PPP3R1: variants seen among roughly 807,000 people sequenced by gnomAD.
The protein encoded by PPP3R1 is calcineurin subunit B type 1.
Under a neutral mutation model 22.6 loss-of-function variants are expected in PPP3R1, and 5 were observed. The observed-to-expected ratio is 0.22, with a 90% CI of 0.12 to 0.46. The LOEUF is 0.46. Ranked by LOEUF, PPP3R1 falls within the 20% of genes least tolerant of loss-of-function variation. The pLI is 0.99. For synonymous variants in PPP3R1, 56 were observed against 65.2 expected (o/e 0.86, Z 0.68); for missense variants, 61 against 203.2 (o/e 0.30, Z 4.25).
chr2:68,209,766 G>A (rs1444337402), intron 2 of PPP3R1, among the ~76,000 whole-genome samples: 1 of 151,822 alleles, frequency 6.6e-6, no homozygotes, highest in African/African-American at 2.4e-5. Context: ...TCCCTCTGTC[G>A]AGTTTTAAAC....
At chr2:68,251,300 A>C (rs1488554351) in intron 1 of PPP3R1, among the ~76,000 whole-genome samples, 2 of 152,036 alleles carry the variant, frequency 1.3e-5, no homozygotes, top group African/African-American at 2.4e-5. Context: ...ATGTGAGGGT[A>C]AGGAAAGACA....
intron 2 of PPP3R1, among the ~76,000 whole-genome samples, chr2:68,212,062 A>C (rs1174957151): frequency 1.3e-5 from 2 of 152,128 alleles, no homozygotes; most frequent in African/African-American, 4.8e-5. Context: ...CAAATCTATA[A>C]TAGTGAATCC....
chr2:68,194,636 T>C (rs1027281477), intron 2 of PPP3R1, among the ~76,000 whole-genome samples: 1 of 152,066 alleles, frequency 6.6e-6, no homozygotes, highest in African/African-American at 2.4e-5. Flanking sequence ...TCTGAAAGCA[T>C]TGCTATTAAT....
chr2:68,198,343 ATG>A (rs1296549145), intron 2 of PPP3R1, among the ~76,000 whole-genome samples: 7 of 78,062 alleles, frequency 9.0e-5, no homozygotes, highest in South Asian at 7.7e-4. Flanking sequence ...ATATATGTAC[ATG>A]TATATGCATA....
At chr2:68,190,255 T>A (rs6707104) in intron 2 of PPP3R1, among the ~76,000 whole-genome samples, 10,237 of 24,928 alleles carry the variant, frequency 0.41, 2,197 homozygotes, top group African/African-American at 0.63. Context: ...AAGTTTCTCT[T>A]AAAAAAAAAA....
At chr2:68,193,397 C>G (rs528450935) in intron 2 of PPP3R1, among the ~76,000 whole-genome samples, 17 of 152,168 alleles carry the variant, frequency 1.1e-4, no homozygotes, top group Admixed American at 5.9e-4. Flanking sequence ...CTCCTTTCAG[C>G]TACGATTACG....
intron 5 of PPP3R1, among the ~76,000 whole-genome samples, chr2:68,184,379 G>A (rs985356718): frequency 6.6e-6 from 1 of 152,158 alleles, no homozygotes; most frequent in Non-Finnish European, 1.5e-5. Flanking sequence ...CTTTCTAAAC[G>A]TTCTAAATTA....
intron 1 of PPP3R1, among the ~76,000 whole-genome samples, chr2:68,234,507 A>G (rs1378919932): frequency 6.6e-6 from 1 of 152,198 alleles, no homozygotes; most frequent in African/African-American, 2.4e-5. Context: ...AAGTTATTAC[A>G]GCCATTTTCT....
At chr2:68,225,612 G>T (rs1479943879) in intron 1 of PPP3R1, among the ~76,000 whole-genome samples, 1 of 152,226 alleles carries the variant, frequency 6.6e-6, no homozygotes, top group East Asian at 1.9e-4. Context: ...GCAGAACTAT[G>T]AAATAATAAA....
chr2:68,242,541 GATT>G (rs1455404049), intron 1 of PPP3R1, among the ~76,000 whole-genome samples: 1 of 152,150 alleles, frequency 6.6e-6, no homozygotes. Flanking sequence ...GTATTCCTCT[GATT>G]ATAAGTTCAC....
At chr2:68,235,325 T>C (rs962659803) in intron 1 of PPP3R1, among the ~76,000 whole-genome samples, 3 of 152,134 alleles carry the variant, frequency 2.0e-5, no homozygotes, top group Admixed American at 1.3e-4. Context: ...TTAGAGCATA[T>C]TTATTACCCA....
At chr2:68,204,353 G>GATATATATATTCTGAT (rs1553405725) in intron 2 of PPP3R1, among the ~76,000 whole-genome samples, 6 of 148,338 alleles carry the variant, frequency 4.0e-5, no homozygotes, top group African/African-American at 1.3e-4. Flanking sequence ...TATATATTCT[G>GATATATATATTCTGAT]ATATATATAT....
chr2:68,199,244 G>T (rs913031014), intron 2 of PPP3R1, among the ~76,000 whole-genome samples: 1 of 152,124 alleles, frequency 6.6e-6, no homozygotes, highest in African/African-American at 2.4e-5. Context: ...TTACAGGCGT[G>T]AGCCACCGCT....
chr2:68,227,534 A>T (rs1457292079), intron 1 of PPP3R1, among the ~76,000 whole-genome samples: 1 of 151,976 alleles, frequency 6.6e-6, no homozygotes, highest in Admixed American at 6.6e-5. Flanking sequence ...GATAAAAACC[A>T]ATCATACCTA....
At chr2:68,246,969 GC>G (rs1670248333) in intron 1 of PPP3R1, among the ~76,000 whole-genome samples, 1 of 126,594 alleles carries the variant, frequency 7.9e-6, no homozygotes, top group Admixed American at 8.2e-5. Context: ...CCCACCTCCC[GC>G]CCCCCAAAAC....
intron 2 of PPP3R1, among the ~76,000 whole-genome samples, chr2:68,208,389 C>T (rs1394608119): frequency 1.3e-5 from 2 of 152,164 alleles, no homozygotes; most frequent in African/African-American, 2.4e-5. Flanking sequence ...GTTGACCATA[C>T]GGTCTCTGTT....
In PPP3R1 at chr2:68,188,774, A is replaced by G. The variant is rs1325640512; in HGVS notation, c.44-84T>C. 5 of 1,284,918 alleles carry G rather than the reference A, an allele frequency of 3.9e-6. No homozygotes were observed. The East Asian group carries it at 1.3e-4, about 33-fold the overall frequency. The allele number at this position is 1,284,918 out of a possible 1,614,324, so 79.6% of individuals were successfully genotyped here. ...AATGGGCAGTAGCAAGATTTTAAAA[A>G]AAATTTTAATAGTTATAGGGGGGAA... On this transcript the variant is annotated intron_variant, in intron 2 of 5. Coordinates refer to ENST00000234310, the MANE Select transcript of PPP3R1 (RefSeq NM_000945.4).
At chr2:68,217,034 AC>A in intron 2 of PPP3R1, 57 bp downstream of exon 2, 1 of 1,223,144 alleles carries the variant, frequency 8.2e-7, no homozygotes, top group Non-Finnish European at 1.1e-6. Context: ...ACACACACAC[AC>A]ACACAGAGAG....
At chr2:68,183,388 T>C (rs1309838321) in intron 5 of PPP3R1, among the ~76,000 whole-genome samples, 3 of 152,218 alleles carry the variant, frequency 2.0e-5, no homozygotes, top group Non-Finnish European at 4.4e-5. Context: ...GAACCAGTTA[T>C]TTGTTCCCAC....
Sources: allele counts gnomAD v4.1 joint callset (sites outside exome capture counted in the v4.1 genomes callset), GRCh38; gene constraint gnomAD v4.1.1; transcripts MANE v1.5; gene names NCBI Gene and HGNC (gene_info 2026-07-23, HGNC 2026-07-21).